BCAS1: variants seen among roughly 807,000 people sequenced by gnomAD.
BCAS1 encodes brain enriched myelin associated protein 1.
A neutral mutation model predicts 65.4 loss-of-function variants in BCAS1; 46 were observed. The observed-to-expected ratio is 0.70, with a 90% CI of 0.55 to 0.90. The LOEUF (loss-of-function observed/expected upper bound fraction) is 0.90. Ranked by LOEUF, BCAS1 falls within the 40% of genes least tolerant of loss-of-function variation. The pLI is 0.00. For synonymous variants in BCAS1, 298 were observed against 293.5 expected (o/e 1.02, Z -0.16); for missense variants, 793 against 771.2 (o/e 1.03, Z -0.33).
intron 12 of BCAS1, among the ~76,000 whole-genome samples, chr20:53,952,329 G>C (rs181762620): frequency 6.6e-6 from 1 of 152,206 alleles, no homozygotes; most frequent in Non-Finnish European, 1.5e-5. Flanking sequence ...ATGGAGCTGG[G>C]AGTCCAGTGG....
At chr20:54,039,561 T>C (rs1453014991) in intron 3 of BCAS1, among the ~76,000 whole-genome samples, 3 of 151,430 alleles carry the variant, frequency 2.0e-5, no homozygotes, top group Non-Finnish European at 4.4e-5. Context: ...TCTTTAATCA[T>C]ATATTTCCTG....
chr20:54,067,411 A>G (rs1055763007), intron 1 of BCAS1, among the ~76,000 whole-genome samples: 6 of 152,236 alleles, frequency 3.9e-5, no homozygotes, highest in Non-Finnish European at 7.3e-5. Context: ...GTGAGGATTG[A>G]ACAATTGAAG....
In BCAS1 at chr20:54,015,049, AT is replaced by A. The variant is rs11480819; in HGVS notation, c.723+13342del. 2.6e-3 allele frequency among the ~76,000 whole-genome samples: 387 copies of A among 146,484 alleles called. 2 individuals are homozygous for A. The highest frequency in any genetic ancestry group is 8.1e-3 in the African/African-American group (322 of 39,990). On this transcript the variant is annotated intron_variant, in intron 4 of 12. Coordinates refer to ENST00000688948, the MANE Select transcript of BCAS1 (RefSeq NM_001366298.2). ...CTCAGAATTTCCTAAGCAGACTATG[AT>A]TTTTTTTTTTTTTGAGATGTTGCCC... is the stretch of plus-strand genomic sequence containing the variant.
chr20:54,028,270 A>G, intron 4 of BCAS1, 122 bp downstream of exon 4: 1 of 905,664 alleles, frequency 1.1e-6, no homozygotes, highest in Non-Finnish European at 1.8e-6. Flanking sequence ...TTTGTTCTAG[A>G]GGGGTCAACA....
chr20:53,983,428 C>T lies in BCAS1; in HGVS notation c.1275+1859G>A, dbSNP rs73275891. ...CATTTGCATCTTACAAGTGAGGAAA[C>T]GAAAGCTCATAGAGACAAACTGAGA... On this transcript the variant is annotated intron_variant, in intron 8 of 12. Coordinates refer to ENST00000688948, the MANE Select transcript of BCAS1 (RefSeq NM_001366298.2). Among the ~76,000 whole-genome samples the T allele has an allele frequency of 3.5e-3, 527 of 152,264 alleles. 3 individuals carry two copies. Among genetic ancestry groups the T allele is most frequent in the African/African-American group, 0.012 (497 of 41,574 alleles).
intron 3 of BCAS1, among the ~76,000 whole-genome samples, chr20:54,042,064 G>C (rs1369281210): frequency 6.6e-6 from 1 of 151,972 alleles, no homozygotes; most frequent in Non-Finnish European, 1.5e-5. Flanking sequence ...TGTTATCCTA[G>C]AAATAAAATT....
At chr20:54,019,611 C>G (rs1055787344) in intron 4 of BCAS1, among the ~76,000 whole-genome samples, 1 of 152,006 alleles carries the variant, frequency 6.6e-6, no homozygotes, top group Non-Finnish European at 1.5e-5. Flanking sequence ...TTTGAGTCAG[C>G]GGACTGGGAG....
chr20:54,020,911 C>T (rs757569876), intron 4 of BCAS1, among the ~76,000 whole-genome samples: 1 of 152,190 alleles, frequency 6.6e-6, no homozygotes, highest in Non-Finnish European at 1.5e-5. Flanking sequence ...TGTATATCAG[C>T]TCAAGTAAAA....
intron 3 of BCAS1, 49 bp from the exon 4 acceptor site, chr20:54,029,021 C>A: frequency 6.5e-7 from 1 of 1,549,520 alleles, no homozygotes; most frequent in South Asian, 1.2e-5. Flanking sequence ...CCGGGAAATT[C>A]AGGCACTAAT....
At chr20:53,975,267 A>T in intron 9 of BCAS1, 122 bp downstream of exon 9, 1 of 785,174 alleles carries the variant, frequency 1.3e-6, no homozygotes, top group South Asian at 1.6e-5. Context: ...AAGAGAGTCT[A>T]CAACAAACGA....
chr20:54,028,782 G>A lies in BCAS1; in HGVS notation c.333C>T (p.Ala111=), dbSNP rs761415105. Residue 111 remains alanine (A), a synonymous_variant, in exon 4 of 13, where the codon GCC becomes GCT. Coordinates refer to ENST00000688948, the MANE Select transcript of BCAS1 (RefSeq NM_001366298.2). ...RPVPGRTGDQ[A]ADSSLGSVKL... is the part of the protein sequence containing the mutation. The stretch of plus-strand genomic sequence containing the variant: ...TCACTGATCCAAGGGATGAATCTGC[G>A]GCTTGGTCTCCGGTACGTCCTGGTA... 3.1e-6 allele frequency: 5 copies of A among 1,614,172 alleles called. No homozygotes were observed. The highest frequency in any genetic ancestry group is 1.7e-5 in the Admixed American group (1 of 60,030).
At chr20:53,977,266 G>C (rs1017491947) in intron 8 of BCAS1, among the ~76,000 whole-genome samples, 2 of 152,092 alleles carry the variant, frequency 1.3e-5, no homozygotes, top group African/African-American at 4.8e-5. Flanking sequence ...ATGAGATTTG[G>C]GTGGGGACAC....
intron 9 of BCAS1, among the ~76,000 whole-genome samples, chr20:53,974,899 C>T (rs2090284322): frequency 6.6e-6 from 1 of 152,178 alleles, no homozygotes; most frequent in African/African-American, 2.4e-5. Flanking sequence ...CAGAGGTAGA[C>T]CCGTCAAGTC....
chr20:53,949,683 G>A (rs2089452188), intron 12 of BCAS1, among the ~76,000 whole-genome samples: 1 of 152,212 alleles, frequency 6.6e-6, no homozygotes, highest in Non-Finnish European at 1.5e-5. Flanking sequence ...CTGGGACGAT[G>A]CAGGACTTGG....
chr20:53,996,074 G>A (rs1300515708), intron 4 of BCAS1, 24 bp from the exon 5 acceptor site: 2 of 1,552,526 alleles, frequency 1.3e-6, no homozygotes, highest in East Asian at 4.6e-5. Context: ...AGTTGTCACA[G>A]TTGCCACTTG....
At chr20:53,970,789 G>A (rs73137796) in intron 9 of BCAS1, among the ~76,000 whole-genome samples, 4,869 of 152,152 alleles carry the variant, frequency 0.032, 107 homozygotes, top group Middle Eastern at 0.096. Context: ...ATTGATTTAT[G>A]GCAAATAGAT....
chr20:53,974,412 C>A (rs2090271682), intron 9 of BCAS1, among the ~76,000 whole-genome samples: 1 of 152,206 alleles, frequency 6.6e-6, no homozygotes, highest in Non-Finnish European at 1.5e-5. Flanking sequence ...CAACTCCGGA[C>A]ACAATTTCAA....
chr20:54,062,142 G>T (rs1037959976), intron 1 of BCAS1, among the ~76,000 whole-genome samples: 1 of 152,110 alleles, frequency 6.6e-6, no homozygotes, highest in African/African-American at 2.4e-5. Flanking sequence ...GACACCTATG[G>T]CCTGCAAAGC....
At chr20:53,983,719 G>A (rs993784038) in intron 8 of BCAS1, among the ~76,000 whole-genome samples, 3 of 152,218 alleles carry the variant, frequency 2.0e-5, no homozygotes, top group Admixed American at 2.0e-4. Context: ...TGGGCCTCTG[G>A]AACAGGCAAT....
Sources: allele counts gnomAD v4.1 joint callset (sites outside exome capture counted in the v4.1 genomes callset), GRCh38; gene constraint gnomAD v4.1.1; transcripts MANE v1.5; gene names NCBI Gene and HGNC (gene_info 2026-07-23, HGNC 2026-07-21).